Variants in KAT8 observed in about 807,000 individuals in gnomAD.
KAT8 encodes the protein histone acetyltransferase KAT8.
In KAT8, 40 loss-of-function variants were observed where a neutral mutation model predicts 62.9. That is an observed-to-expected ratio of 0.64 (90% CI 0.49 to 0.83). The LOEUF is 0.83. KAT8 is among the 40% of genes least tolerant of loss of function. The probability of loss-of-function intolerance (pLI) is 0.00; values close to 1 mark genes in which losing one functional copy is unlikely to be tolerated. For missense variants in KAT8, 387 were observed against 614.8 expected (o/e 0.63, Z 3.92); for synonymous variants, 278 against 254.5 (o/e 1.09, Z -0.88).
chr16:31,126,971 G>T, intron 3 of KAT8, 64 bp from the exon 4 acceptor site: 1 of 1,581,282 alleles, frequency 6.3e-7, no homozygotes, highest in Non-Finnish European at 8.7e-7. Flanking sequence ...TGTGGGTCCT[G>T]ACGGGAGGGA....
chr16:31,130,776 C>T lies in KAT8; in HGVS notation c.1188C>T (p.Ile396=), dbSNP rs758489191. 1 of 1,614,196 alleles carries T rather than the reference C, an allele frequency of 6.2e-7. No individual in the cohort carries two copies. The highest frequency in any genetic ancestry group is 2.2e-5 in the East Asian group (1 of 44,886). ...SQMTSITQND[I]ISTLQSLNMV... is the part of the protein sequence containing the mutation. ...TGACCAGTATCACCCAAAATGACATCATCAGTACCCTGCAATCCCTCAATA... is the reference window on the plus strand; with the variant it reads ...TGACCAGTATCACCCAAAATGACATTATCAGTACCCTGCAATCCCTCAATA... Residue 396 remains isoleucine, a synonymous_variant, in exon 10 of 11, where the codon ATC becomes ATT. Coordinates refer to ENST00000219797, the MANE Select transcript of KAT8 (RefSeq NM_032188.3).
chr16:31,123,085 A>C (rs1290686863), intron 3 of KAT8, among the ~76,000 whole-genome samples: 3 of 152,158 alleles, frequency 2.0e-5, no homozygotes, highest in Non-Finnish European at 4.4e-5. Flanking sequence ...TAGGAGGCTG[A>C]GGCAGGAGAA....
At chr16:31,117,913 T>A (rs1463820690) in intron 1 of KAT8, 21 bp downstream of exon 1, 1 of 650,920 alleles carries the variant, frequency 1.5e-6, no homozygotes, top group East Asian at 1.2e-4. Context: ...GGCCCAGGGC[T>A]GGGGGCGGGG....
At chr16:31,122,022 A>T (rs1001193634) in intron 3 of KAT8, among the ~76,000 whole-genome samples, 1 of 152,110 alleles carries the variant, frequency 6.6e-6, no homozygotes, top group African/African-American at 2.4e-5. Context: ...AAGTGCTGGG[A>T]TTACAGGTGT....
At chr16:31,123,417 A>G (rs1354555548) in intron 3 of KAT8, among the ~76,000 whole-genome samples, 1 of 151,496 alleles carries the variant, frequency 6.6e-6, no homozygotes, top group Non-Finnish European at 1.5e-5. Flanking sequence ...GGGTTTCACT[A>G]TGTTTGGCCT....
intron 7 of KAT8, 45 bp downstream of exon 7, chr16:31,130,202 A>T: frequency 6.2e-7 from 1 of 1,611,780 alleles, no homozygotes; most frequent in Non-Finnish European, 8.5e-7. Context: ...GGGAGGGCGA[A>T]GGTGGGCATG....
chr16:31,128,283 C>G (rs1175142286), intron 6 of KAT8, 144 bp downstream of exon 6: 9 of 663,738 alleles, frequency 1.4e-5, no homozygotes, highest in Admixed American at 7.1e-5. Flanking sequence ...CACTGCAGCT[C>G]ACACCTGTAA....
At chr16:31,129,250 C>T (rs1301131802) in intron 6 of KAT8, among the ~76,000 whole-genome samples, 6 of 152,158 alleles carry the variant, frequency 3.9e-5, no homozygotes, top group South Asian at 2.1e-4. Flanking sequence ...GCCTTGGACT[C>T]GGAGAATACG....
At chr16:31,118,693 C>A (rs557961228) in intron 1 of KAT8, 2 of 152,030 alleles carry the variant, frequency 1.3e-5, no homozygotes, top group Non-Finnish European at 2.9e-5. Context: ...CTGGGAACTT[C>A]TGGAGGGCAG....
At position 31,131,199 on chromosome 16, in the gene KAT8, C is replaced by T. The variant is rs778829543; in HGVS notation, c.1317C>T (p.Asp439=). 1 of 1,614,062 alleles carries T rather than the reference C, an allele frequency of 6.2e-7. No individual in the cohort carries two copies. The highest frequency in any genetic ancestry group is 8.5e-7 in the Non-Finnish European group (1 of 1,179,932). ...TCCCGCCCCTTCTCCCCACAGTGGA[C>T]TCCGTCTGCCTCAAGTGGGCACCCC... The part of the protein sequence containing the change: ...AQYKKPPITV[D]SVCLKWAPPK... Residue 439 remains aspartate, a synonymous_variant, in exon 11 of 11, where the codon GAC becomes GAT. Coordinates refer to ENST00000219797, the MANE Select transcript of KAT8 (RefSeq NM_032188.3).
intron 3 of KAT8, among the ~76,000 whole-genome samples, chr16:31,125,360 T>C (rs2057525187): frequency 6.6e-6 from 1 of 152,028 alleles, no homozygotes; most frequent in Non-Finnish European, 1.5e-5. Flanking sequence ...TCTCAGCACT[T>C]TGGGAGTGCG....
At chr16:31,128,659 AG>A in intron 6 of KAT8, among the ~76,000 whole-genome samples, 1 of 152,288 alleles carries the variant, frequency 6.6e-6, no homozygotes, top group East Asian at 1.9e-4. Flanking sequence ...TGGTGGGGTT[AG>A]GTTCAAACTT....
In KAT8 at chr16:31,127,345, T is replaced by C. The variant is rs1461092787; in HGVS notation, c.673T>C (p.Phe225Leu). 6.2e-7 allele frequency: 1 copy of C among 1,614,034 alleles called. No individual in the cohort carries two copies. The highest frequency in any genetic ancestry group is 1.3e-5 in the African/African-American group (1 of 74,948). ...KYMKYEKSYR[F>L]HLGQCQWRQP... ...CATGAAATATGAGAAGAGCTACCGC[T>C]TCCACTTGGTGAGGCTGGGCCGGCC... Residue 225 changes from phenylalanine (F) to leucine (L), a missense_variant, in exon 5 of 11, where the codon TTC (phenylalanine) becomes CTC (leucine). This residue lies in a region of KAT8 where 141 missense variants were observed against 222.5 expected (regional missense o/e 0.63). Transcript: ENST00000219797.
chr16:31,119,959 G>GT (rs1432376284), intron 1 of KAT8, among the ~76,000 whole-genome samples: 2 of 152,062 alleles, frequency 1.3e-5, no homozygotes, highest in African/African-American at 4.8e-5. Context: ...GGGATTACAG[G>GT]TGTGAGCCAC....
At chr16:31,129,563 C>G (rs1027226123) in intron 6 of KAT8, among the ~76,000 whole-genome samples, 1 of 152,172 alleles carries the variant, frequency 6.6e-6, no homozygotes, top group African/African-American at 2.4e-5. Context: ...TCCTGGAGTG[C>G]AGCCAAGTGG....
chr16:31,117,887 C>T lies in KAT8; in HGVS notation c.206C>T (p.Thr69Ile). Residue 69 changes from threonine to isoleucine, a missense_variant, in exon 1 of 11, where the codon ACC (threonine) becomes ATC (isoleucine). Around this residue, in one of 6 missense-constraint regions of KAT8, gnomAD observed 69 missense variants for 127.0 expected, o/e 0.54. Coordinates refer to ENST00000219797, the MANE Select transcript of KAT8 (RefSeq NM_032188.3). ...TACCTGTGCCGGCGACCGGATAGCACCTGGCGTGAGGGCGGGGCCCAGGGC... is the reference window on the plus strand; with the variant it reads ...TACCTGTGCCGGCGACCGGATAGCATCTGGCGTGAGGGCGGGGCCCAGGGC... ...ETYLCRRPDS[T>I]WHSAEVIQSR... is the part of the protein sequence containing the mutation. 1.5e-6 allele frequency: 2 copies of T among 1,368,798 alleles called. No homozygotes were observed. The highest frequency in any genetic ancestry group is 1.9e-6 in the Non-Finnish European group (2 of 1,050,698). The allele number at this position is 1,368,798 out of a possible 1,614,324, so 84.8% of individuals were successfully genotyped here.
At chr16:31,131,064 C>T in intron 10 of KAT8, 131 bp from the exon 11 acceptor site, 1 of 1,507,474 alleles carries the variant, frequency 6.6e-7, no homozygotes, top group Non-Finnish European at 8.9e-7. Flanking sequence ...TTCCCTACCC[C>T]TCCCCAGCAC....
chr16:31,120,185 G>A lies in KAT8; in HGVS notation c.212-1G>A. 6.2e-7 allele frequency: 1 copy of A among 1,613,894 alleles called. No individual in the cohort carries two copies. Among genetic ancestry groups the A allele is most frequent in the Non-Finnish European group, 8.5e-7 (1 of 1,179,802 alleles). On this transcript the variant is annotated splice_acceptor_variant, in intron 1 of 10. Transcript: ENST00000219797. LOFTEE classifies it high-confidence loss of function. ...ATGACCCTAGCCTTTTTCCATCACA[G>A]ATTCTGCTGAAGTGATCCAGTCTCG...
Position 31,130,514 on chromosome 16 carries a change from C to T in KAT8, c.1065C>T (p.Asp355=). The T allele has an allele frequency of 6.2e-7, 1 of 1,614,172 alleles. No individual in the cohort carries two copies. Among genetic ancestry groups the T allele is most frequent in the Non-Finnish European group, 8.5e-7 (1 of 1,179,982 alleles). Residue 355 remains aspartate (D), a synonymous_variant, in exon 9 of 11, where the codon GAC becomes GAT. Coordinates refer to ENST00000219797, the MANE Select transcript of KAT8 (RefSeq NM_032188.3). ...GCTCCCCGGAGAAGCCACTGTCTGA[C>T]CTGGGCAAGCTCAGCTACCGCAGCT... The part of the protein sequence containing the change: ...TVGSPEKPLS[D]LGKLSYRSYW...
Sources: gnomAD v4.1 joint callset for allele counts (sites outside exome capture counted in the v4.1 genomes callset) on GRCh38, gnomAD v4.1.1 for gene constraint, gnomAD v4.1.1 regional missense constraint, MANE v1.5 for transcripts, NCBI Gene and HGNC (gene_info 2026-07-23, HGNC 2026-07-21) for gene names.